C14orf93: variants seen among roughly 807,000 people sequenced by gnomAD.
C14orf93 encodes the protein uncharacterized protein C14orf93.
In C14orf93, 23 loss-of-function variants were observed where a neutral mutation model predicts 44.0. The observed-to-expected ratio is 0.52, with a 90% CI of 0.38 to 0.74. C14orf93 has a LOEUF of 0.74. Ranked by LOEUF, C14orf93 falls within the 30% of genes least tolerant of loss-of-function variation. The pLI, the probability that C14orf93 is intolerant of heterozygous loss-of-function variation, is 0.00. For missense variants in C14orf93, 579 were observed against 678.9 expected (o/e 0.85, Z 1.64); for synonymous variants, 253 against 265.7 (o/e 0.95, Z 0.46).
At chr14:23,001,839 T>TAAAA (rs780256403) in intron 1 of C14orf93, among the ~76,000 whole-genome samples, 14 of 59,584 alleles carry the variant, frequency 2.3e-4, no homozygotes, top group African/African-American at 1.0e-3. Flanking sequence ...TACTGCAGGT[T>TAAAA]AAAAAAAAAA....
At position 22,999,310 on chromosome 14, in the gene C14orf93, C is replaced by T. The variant is rs114069049; in HGVS notation, c.-287G>A. On this transcript the variant is annotated 5_prime_UTR_variant, in exon 2 of 7. Transcript: ENST00000299088. Reference sequence around the variant, plus strand: ...GGCCTTCCTGATGAACGGTTTCAGACGGTAGAGAGCATTCCTTCTGCCCCC... The same window carrying T: ...GGCCTTCCTGATGAACGGTTTCAGATGGTAGAGAGCATTCCTTCTGCCCCC... 9 of 292,702 alleles carry T rather than the reference C, an allele frequency of 3.1e-5. No homozygotes were observed. Among genetic ancestry groups the T allele is most frequent in the East Asian group, 1.3e-4 (2 of 15,290 alleles). 18.1% of individuals were successfully genotyped at this position (292,702 alleles called of 1,614,324 possible). A position where few individuals can be genotyped will look rare whatever the true frequency, so the allele number is the denominator to read the frequency against.
chr14:22,989,713 G>A (rs566903450), intron 5 of C14orf93, 29 bp downstream of exon 5: 1 of 1,432,810 alleles, frequency 7.0e-7, no homozygotes, highest in Admixed American at 1.7e-5. Flanking sequence ...GAGAAAGGAT[G>A]GCATAGGAGT....
intron 1 of C14orf93, among the ~76,000 whole-genome samples, chr14:23,001,749 G>A (rs1350220162): frequency 6.7e-6 from 1 of 148,414 alleles, no homozygotes; most frequent in Non-Finnish European, 1.5e-5. Flanking sequence ...ACAGGTGTGA[G>A]CCACTGCGCC....
intron 1 of C14orf93, among the ~76,000 whole-genome samples, chr14:23,003,908 T>A (rs1226961553): frequency 2.0e-3 from 100 of 50,952 alleles, no homozygotes; most frequent in African/African-American, 3.4e-3. Context: ...ATTTTTTTTT[T>A]TTTTTTTTTT....
rs759834095 is a variant in C14orf93, at chr14:22,987,420, C to T, written c.1412G>A (p.Arg471His). The T allele has an allele frequency of 1.3e-5, 21 of 1,614,134 alleles. No individual in the cohort carries two copies. Among genetic ancestry groups the T allele is most frequent in the East Asian group, 1.1e-4 (5 of 44,900 alleles). Reference sequence around the variant, plus strand: ...TCTGTCTGAGGGAGGCCCATACACACGGTTGGCTTTGGTGCCATGCTTAGA... The same window carrying T: ...TCTGTCTGAGGGAGGCCCATACACATGGTTGGCTTTGGTGCCATGCTTAGA... ...ANSKHGTKAN[R>H]VYGPPSDRLP... The change falls in exon 7 of 7, where the codon CGT becomes CAT. Residue 471 changes from arginine (R) to histidine (H), a missense_variant. Arg to His is a conservative substitution (Grantham distance 29). Coordinates refer to ENST00000299088, the MANE Select transcript of C14orf93 (RefSeq NM_021944.4). This position sits in a 1 kb window ranked among gnomAD's most constrained non-coding sequence, Gnocchi z 5.6.
At position 23,003,898 on chromosome 14, in the gene C14orf93, A is replaced by ATTTTTT; in HGVS notation, c.-379-4502_-379-4497dup. On this transcript the variant is annotated intron_variant, in intron 1 of 6. Transcript: ENST00000299088. ...TATATATATATATATATATATATAT[A>ATTTTTT]TTTTTTTTTTTTTTTTTTTTTTTTT... Among the ~76,000 whole-genome samples the ATTTTTT allele has an allele frequency of 1.3e-3, 13 of 10,376 alleles. 1 individual carries two copies. Among genetic ancestry groups the ATTTTTT allele is most frequent in the African/African-American group, 2.5e-3 (5 of 2,016 alleles). 6.8% of individuals were successfully genotyped at this position (10,376 alleles called of 152,430 possible).
At chr14:22,988,805 GC>G (rs1166887288) in intron 5 of C14orf93, among the ~76,000 whole-genome samples, 1 of 152,046 alleles carries the variant, frequency 6.6e-6, no homozygotes, top group African/African-American at 2.4e-5. Flanking sequence ...CCCTTCTTGG[GC>G]GTGGTGGCTC....
At chr14:23,009,090 A>T (rs1180054994) in intron 1 of C14orf93, among the ~76,000 whole-genome samples, 1 of 152,246 alleles carries the variant, frequency 6.6e-6, no homozygotes, top group East Asian at 1.9e-4. Context: ...AAGCAAAACC[A>T]CTTAGGCAAA....
rs1174121746 is a variant in C14orf93 at position 22,986,554 on chromosome 14, T to A, written c.*661A>T. On this transcript the variant is annotated 3_prime_UTR_variant, in exon 7 of 7. Coordinates refer to ENST00000299088, the MANE Select transcript of C14orf93 (RefSeq NM_021944.4). ...CTGTGTATTTTGCTTGGTCACATAG[T>A]GAGAGAGAGGCTGCCGGTGAGACAC... 1 of 152,570 alleles carries A rather than the reference T, an allele frequency of 6.6e-6. No homozygotes were observed. The highest frequency in any genetic ancestry group is 2.4e-5 in the African/African-American group (1 of 41,410). The allele number at this position is 152,570 out of a possible 1,614,324, so 9.5% of individuals were successfully genotyped here.
intron 1 of C14orf93, among the ~76,000 whole-genome samples, chr14:23,003,869 T>A (rs2046437824): frequency 8.1e-5 from 1 of 12,400 alleles, no homozygotes; most frequent in Non-Finnish European, 1.4e-4. Context: ...TATATATATA[T>A]ATATATATAT....
chr14:22,990,042 T>A (rs762920376), intron 4 of C14orf93, 24 bp downstream of exon 4: 2 of 1,597,634 alleles, frequency 1.3e-6, no homozygotes, highest in Non-Finnish European at 1.7e-6. Flanking sequence ...ACCTTCTAAT[T>A]CTTTTTCCTC....
chr14:23,007,640 T>C (rs1415168830), intron 1 of C14orf93, among the ~76,000 whole-genome samples: 1 of 152,202 alleles, frequency 6.6e-6, no homozygotes, highest in Non-Finnish European at 1.5e-5. Context: ...GTGCGAGGAA[T>C]TCTCTCCTTT....
chr14:22,989,514 C>T (rs1198675490), intron 5 of C14orf93, among the ~76,000 whole-genome samples: 3 of 152,310 alleles, frequency 2.0e-5, no homozygotes, highest in African/African-American at 7.2e-5. Context: ...GCTGTTCTAG[C>T]CCTTTCCTTC....
intron 3 of C14orf93, among the ~76,000 whole-genome samples, chr14:22,990,397 CATA>C (rs1345888062): frequency 6.6e-6 from 1 of 152,136 alleles, no homozygotes; most frequent in African/African-American, 2.4e-5. Flanking sequence ...TTTCCATGAA[CATA>C]CCCCTGATAG....
At position 22,996,206 on chromosome 14, in the gene C14orf93, G is replaced by A; in HGVS notation, c.660C>T (p.Ala220=). Residue 220 remains alanine (A), a synonymous_variant, in exon 3 of 7, where the codon GCC becomes GCT. Coordinates refer to ENST00000299088, the MANE Select transcript of C14orf93 (RefSeq NM_021944.4). The surrounding 1 kb of genome is among the most constrained non-coding windows in gnomAD (Gnocchi z 4.1). ...GTTGTGTGGCTGGTGAGAGTTGCTTGGCATAAGCAGGGACCAGAACTCGCT... is the reference window on the plus strand; with the variant it reads ...GTTGTGTGGCTGGTGAGAGTTGCTTAGCATAAGCAGGGACCAGAACTCGCT... The part of the protein sequence containing the change: ...AVQRVLVPAY[A]KQLSPATQLA... The A allele has an allele frequency of 6.2e-7, 1 of 1,610,180 alleles. No homozygotes were observed. The highest frequency in any genetic ancestry group is 8.5e-7 in the Non-Finnish European group (1 of 1,177,412).
In C14orf93 at chr14:22,995,930, G is replaced by C. The variant is rs1222781043; in HGVS notation, c.918+18C>G. 4 of 1,538,250 alleles carry C rather than the reference G, an allele frequency of 2.6e-6. No individual in the cohort carries two copies. Among genetic ancestry groups the C allele is most frequent in the Non-Finnish European group, 3.5e-6 (4 of 1,141,914 alleles). ...TCTCCAGACTGAAGAAAAATTTATAGAAACTGAGCTCACTCACAGAGAGTA... is the reference window on the plus strand; with the variant it reads ...TCTCCAGACTGAAGAAAAATTTATACAAACTGAGCTCACTCACAGAGAGTA... On this transcript the variant is annotated intron_variant, in intron 3 of 6. Transcript: ENST00000299088.
Position 22,988,040 on chromosome 14 carries a change from C to A in C14orf93, c.1085-25G>T, listed in dbSNP as rs760537895. ...CCTGGCGGGGAGGGAAGGAAGGGAG[C>A]AAGAAGGAGGGTCCTCTGAGTAGTG... On this transcript the variant is annotated intron_variant, in intron 5 of 6. Coordinates refer to ENST00000299088, the MANE Select transcript of C14orf93 (RefSeq NM_021944.4). 3.6e-5 allele frequency: 55 copies of A among 1,542,086 alleles called. No homozygotes were observed. The Admixed American group carries it at 9.3e-4, about 26-fold the overall frequency.
At chr14:22,997,751 A>G (rs1245921169) in intron 2 of C14orf93, among the ~76,000 whole-genome samples, 1 of 151,750 alleles carries the variant, frequency 6.6e-6, no homozygotes, top group African/African-American at 2.4e-5. Context: ...TACTGTTAAC[A>G]ATCAGTTGGC....
rs569598847 is a variant in C14orf93, at chr14:22,987,292, A to G, written c.1540T>C (p.Ser514Pro). Residue 514 changes from serine to proline, a missense_variant, in exon 7 of 7, where the codon TCT becomes CCT. Transcript: ENST00000299088. The surrounding 1 kb of genome is among the most constrained non-coding windows in gnomAD (Gnocchi z 5.6). ...GGDENAPGSP[S>P]FDQPHKTCCP... ...CAGGTTTTGTGGGGTTGGTCAAAAG[A>G]TGGGGAGCCAGGTGCATTCTCATCC... 2.5e-6 allele frequency: 4 copies of G among 1,614,240 alleles called. No individual in the cohort carries two copies. Among genetic ancestry groups the G allele is most frequent in the Middle Eastern group, 1.6e-4 (1 of 6,062 alleles).
Sources: gnomAD v4.1 joint callset for allele counts (sites outside exome capture counted in the v4.1 genomes callset) on GRCh38, gnomAD v4.1.1 for gene constraint, Gnocchi (gnomAD v3.1) non-coding constraint, MANE v1.5 for transcripts, NCBI Gene and HGNC (gene_info 2026-07-23, HGNC 2026-07-21) for gene names.